GAD2: variants seen among roughly 807,000 people sequenced by gnomAD.
GAD2 encodes 65 kDa glutamic acid decarboxylase.
In GAD2, 22 loss-of-function variants were observed where a neutral mutation model predicts 80.1. The ratio of observed to expected loss-of-function variants is 0.27; its 90% CI spans 0.20 to 0.39. GAD2 has a LOEUF of 0.39. GAD2 is among the 10% of genes least tolerant of loss of function. GAD2 has a pLI of 1.00. For missense variants in GAD2, 624 were observed against 738.4 expected, an observed-to-expected ratio of 0.85 and a Z score of 1.80; for synonymous variants, 274 against 256.9, an observed-to-expected ratio of 1.07 and a Z score of -0.64.
At chr10:26,287,551 TC>T (rs1314304257) in intron 13 of GAD2, among the ~76,000 whole-genome samples, 2 of 152,352 alleles carry the variant, frequency 1.3e-5, no homozygotes, top group Admixed American at 1.3e-4. Flanking sequence ...GCTACAAAGA[TC>T]AATAACAAGG....
At chr10:26,249,064 T>A (rs1252641965) in intron 8 of GAD2, among the ~76,000 whole-genome samples, 1 of 152,076 alleles carries the variant, frequency 6.6e-6, no homozygotes, top group Non-Finnish European at 1.5e-5. Context: ...AAATTGCCTC[T>A]TTTTTTGGCG....
At chr10:26,257,084 AT>A (rs1844953147) in intron 8 of GAD2, among the ~76,000 whole-genome samples, 1 of 152,134 alleles carries the variant, frequency 6.6e-6, no homozygotes, top group Non-Finnish European at 1.5e-5. Context: ...ATTTTTAGAA[AT>A]TAATATGCTC....
At chr10:26,246,451 A>AG (rs1380374328) in intron 8 of GAD2, among the ~76,000 whole-genome samples, 1 of 152,170 alleles carries the variant, frequency 6.6e-6, no homozygotes, top group Non-Finnish European at 1.5e-5. Flanking sequence ...CAGAGGACTC[A>AG]GGGGAAATCC....
intron 8 of GAD2, among the ~76,000 whole-genome samples, chr10:26,256,019 T>G (rs1007564072): frequency 6.6e-6 from 1 of 152,160 alleles, no homozygotes; most frequent in African/African-American, 2.4e-5. Context: ...TGCTCAGACC[T>G]TAGCTCATCC....
rs142384957 is a variant in GAD2 at position 26,273,576 on chromosome 10, A to G, written c.1093-60A>G. ...TCATTTTCACCTAGAAAGACACCAG[A>G]CTATAGAAATCTAGGCAATGACAAA... On this transcript the variant is annotated intron_variant, in intron 10 of 15. Coordinates refer to ENST00000376261, the MANE Select transcript of GAD2 (RefSeq NM_001134366.2). The G allele has an allele frequency of 8.5e-4, 1,181 of 1,383,800 alleles. 8 individuals carry two copies. In the African/African-American group the frequency reaches 0.015, roughly 18 times the overall value. 85.7% of individuals were successfully genotyped at this position (1,383,800 alleles called of 1,614,324 possible). A position where few individuals can be genotyped will look rare whatever the true frequency, so the allele number is the denominator to read the frequency against.
intron 11 of GAD2, among the ~76,000 whole-genome samples, chr10:26,275,011 G>C (rs1469770172): frequency 2.6e-5 from 4 of 152,134 alleles, no homozygotes; most frequent in Non-Finnish European, 5.9e-5. Flanking sequence ...TCCCTCCCAG[G>C]GTCAGCCAGT....
At chr10:26,233,402 C>G (rs1363324811) in intron 7 of GAD2, among the ~76,000 whole-genome samples, 1 of 152,158 alleles carries the variant, frequency 6.6e-6, no homozygotes, top group Non-Finnish European at 1.5e-5. Flanking sequence ...CTCATCATCT[C>G]GTAGGGTTGG....
At chr10:26,218,119 C>T in intron 3 of GAD2, 128 bp downstream of exon 3, 1 of 991,480 alleles carries the variant, frequency 1.0e-6, no homozygotes, top group Admixed American at 2.8e-5. Context: ...CGGGACCTGC[C>T]AGAATCTTCA....
chr10:26,278,894 A>G (rs1845240950), intron 11 of GAD2, among the ~76,000 whole-genome samples: 1 of 151,794 alleles, frequency 6.6e-6, no homozygotes, highest in Non-Finnish European at 1.5e-5. Context: ...AAATGAATGA[A>G]TCGGGTCTTT....
chr10:26,264,344 G>A (rs80067402), intron 8 of GAD2, among the ~76,000 whole-genome samples: 8,937 of 137,220 alleles, frequency 0.065, 916 homozygotes, highest in African/African-American at 0.23. Flanking sequence ...ACAGAGTCTC[G>A]CTCTGTCGCC....
intron 8 of GAD2, among the ~76,000 whole-genome samples, chr10:26,261,005 C>T (rs1845003039): frequency 6.6e-6 from 1 of 152,130 alleles, no homozygotes; most frequent in Admixed American, 6.5e-5. Context: ...AATAGGGTAT[C>T]CATCCCCTCA....
intron 7 of GAD2, among the ~76,000 whole-genome samples, chr10:26,236,000 C>T (rs1026549913): frequency 4.6e-5 from 7 of 152,232 alleles, no homozygotes; most frequent in African/African-American, 1.4e-4. Flanking sequence ...CTTCACATGC[C>T]AAGCCTGGCC....
intron 8 of GAD2, among the ~76,000 whole-genome samples, chr10:26,252,702 C>T (rs576348466): frequency 6.6e-6 from 1 of 151,028 alleles, no homozygotes; most frequent in Non-Finnish European, 1.5e-5. Flanking sequence ...GTTGCCCAGG[C>T]TGCTGGAGTG....
At chr10:26,284,466 C>A (rs966430746) in intron 12 of GAD2, among the ~76,000 whole-genome samples, 4 of 151,610 alleles carry the variant, frequency 2.6e-5, no homozygotes, top group African/African-American at 9.7e-5. Context: ...TTTTTCATGG[C>A]TCAGAACCAG....
chr10:26,230,113 A>G (rs1844580571), intron 7 of GAD2, among the ~76,000 whole-genome samples: 1 of 152,124 alleles, frequency 6.6e-6, no homozygotes, highest in Non-Finnish European at 1.5e-5. Context: ...GACTGCAGTG[A>G]GCCGTGATTG....
intron 12 of GAD2, among the ~76,000 whole-genome samples, chr10:26,284,886 C>T (rs1165960464): frequency 6.6e-6 from 1 of 152,062 alleles, no homozygotes; most frequent in African/African-American, 2.4e-5. Flanking sequence ...TTTTTTAGGG[C>T]TCATGTGTTT....
chr10:26,225,507 G>A (rs921836378), intron 6 of GAD2, among the ~76,000 whole-genome samples: 4 of 152,210 alleles, frequency 2.6e-5, no homozygotes, highest in Non-Finnish European at 4.4e-5. Context: ...AGTCCACTGA[G>A]ACAGGACCCA....
At position 26,303,820 on chromosome 10, in the gene GAD2, T is replaced by A. The variant is rs1176352966; in HGVS notation, c.*2859T>A. 6.6e-6 allele frequency: 1 copy of A among 152,232 alleles called. No homozygotes were observed. The highest frequency in any genetic ancestry group is 1.5e-5 in the Non-Finnish European group (1 of 68,050). 9.4% of individuals were successfully genotyped at this position (152,232 alleles called of 1,614,324 possible). A position where few individuals can be genotyped will look rare whatever the true frequency, so the allele number is the denominator to read the frequency against. ...ATCTGGATAATACTGTCTTGTCACC[T>A]CAGATTGGGGTTGTGCACTTTAGAT... On this transcript the variant is annotated 3_prime_UTR_variant, in exon 16 of 16. Transcript: ENST00000376261.
chr10:26,262,457 T>C (rs1442268089), intron 8 of GAD2, among the ~76,000 whole-genome samples: 1 of 152,060 alleles, frequency 6.6e-6, no homozygotes, highest in Non-Finnish European at 1.5e-5. Flanking sequence ...GTTTTCTCTC[T>C]TTTATTTATT....
Sources: allele counts gnomAD v4.1 joint callset (sites outside exome capture counted in the v4.1 genomes callset), GRCh38; gene constraint gnomAD v4.1.1; transcripts MANE v1.5; gene names NCBI Gene and HGNC (gene_info 2026-07-23, HGNC 2026-07-21).